The following GPC6 variants were observed in gnomAD, a reference collection of about 807,000 sequenced individuals.
GPC6 encodes the protein glypican-6.
Under a neutral mutation model 55.2 loss-of-function variants are expected in GPC6, and 14 were observed. That is an observed-to-expected ratio of 0.25 (90% confidence interval 0.17 to 0.40). The LOEUF (loss-of-function observed/expected upper bound fraction) is 0.40. GPC6 is among the 10% of genes least tolerant of loss of function. GPC6 has a pLI of 1.00. For synonymous variants in GPC6, 278 were observed against 259.6 expected (o/e 1.07, Z -0.68); for missense variants, 641 against 708.5 (o/e 0.90, Z 1.08).
chr13:94,154,036 T>C (rs1165545580), intron 4 of GPC6, among the ~76,000 whole-genome samples: 2 of 152,200 alleles, frequency 1.3e-5, no homozygotes, highest in Admixed American at 6.6e-5. Context: ...ATCAGCATAT[T>C]GTCCTACAGT....
intron 3 of GPC6, among the ~76,000 whole-genome samples, chr13:94,001,443 A>G (rs1056816373): frequency 5.3e-5 from 8 of 152,224 alleles, no homozygotes; most frequent in Non-Finnish European, 1.0e-4. Flanking sequence ...TTAAAAATAA[A>G]TGATAGGTAA....
At chr13:93,367,838 G>A (rs1212189765) in intron 1 of GPC6, among the ~76,000 whole-genome samples, 1 of 151,980 alleles carries the variant, frequency 6.6e-6, no homozygotes, top group Admixed American at 6.6e-5. Context: ...GTTGAGGATT[G>A]TTTTATGACC....
At chr13:94,157,009 A>G (rs1887972913) in intron 4 of GPC6, among the ~76,000 whole-genome samples, 1 of 152,134 alleles carries the variant, frequency 6.6e-6, no homozygotes, top group African/African-American at 2.4e-5. Context: ...ATGCGCGAGG[A>G]GCTGTGTTAG....
chr13:94,333,146 A>G (rs1025402822), intron 6 of GPC6, among the ~76,000 whole-genome samples: 2 of 152,220 alleles, frequency 1.3e-5, no homozygotes, highest in Non-Finnish European at 2.9e-5. Context: ...TGAGCCACCT[A>G]AGTTAGCTGT....
intron 4 of GPC6, among the ~76,000 whole-genome samples, chr13:94,246,010 A>G (rs1161994505): frequency 6.6e-6 from 1 of 151,956 alleles, no homozygotes; most frequent in Non-Finnish European, 1.5e-5. Flanking sequence ...TTTTCTCCGC[A>G]CCCTTGACAA....
intron 2 of GPC6, among the ~76,000 whole-genome samples, chr13:93,585,328 G>A (rs1877141817): frequency 6.6e-6 from 1 of 151,888 alleles, no homozygotes; most frequent in African/African-American, 2.4e-5. Flanking sequence ...ATTCTACCTG[G>A]TATATGTTAA....
chr13:93,395,686 C>G (rs1264870329), intron 1 of GPC6: 1 of 155,076 alleles, frequency 6.4e-6, no homozygotes, highest in Non-Finnish European at 1.4e-5. Flanking sequence ...ACCAAAATCC[C>G]CTGAGTGTTT....
chr13:93,983,530 G>C (rs559609796), intron 3 of GPC6, among the ~76,000 whole-genome samples: 1 of 151,990 alleles, frequency 6.6e-6, no homozygotes, highest in South Asian at 2.1e-4. Flanking sequence ...CCAACTCCTG[G>C]GCTCAAGCAA....
rs542799854 is a variant in GPC6 at position 93,590,740 on chromosome 13, A to G, written c.319+45319A>G. On this transcript the variant is annotated intron_variant, in intron 2 of 8. Transcript: ENST00000377047. ...TCATAAAAGTTACCAGGAAGCCTTTATCTTCTTTGTTAAATATAGCTTTCT... is the reference window on the plus strand; with the variant it reads ...TCATAAAAGTTACCAGGAAGCCTTTGTCTTCTTTGTTAAATATAGCTTTCT... Among the ~76,000 whole-genome samples the G allele has an allele frequency of 9.8e-5, 15 of 152,310 alleles. No homozygotes were observed. The East Asian group carries it at 2.5e-3, about 25-fold the overall frequency.
intron 4 of GPC6, among the ~76,000 whole-genome samples, chr13:94,157,638 C>G (rs1432990550): frequency 6.6e-6 from 1 of 152,166 alleles, no homozygotes; most frequent in Admixed American, 6.6e-5. Flanking sequence ...TCTTTGGTGC[C>G]TTGCTAAGTA....
intron 1 of GPC6, among the ~76,000 whole-genome samples, chr13:93,501,642 A>T (rs1365390545): frequency 6.6e-6 from 1 of 152,150 alleles, no homozygotes; most frequent in African/African-American, 2.4e-5. Context: ...TAGAAAAATT[A>T]AGAAGTGACA....
chr13:94,309,785 A>C (rs1876144945), intron 6 of GPC6, among the ~76,000 whole-genome samples: 1 of 148,820 alleles, frequency 6.7e-6, no homozygotes, highest in Non-Finnish European at 1.5e-5. Context: ...CAACTGCAGT[A>C]ATTCAGTTAA....
chr13:93,917,050 A>G (rs1364674839), intron 3 of GPC6, among the ~76,000 whole-genome samples: 1 of 152,194 alleles, frequency 6.6e-6, no homozygotes, highest in African/African-American at 2.4e-5. Context: ...ATAAGTTAAC[A>G]AGACATCTCT....
chr13:93,895,234 GTATATATA>G lies in GPC6; in HGVS notation c.711+64725_711+64732del, dbSNP rs60375718. ...TGTGTGTGTATGTATGTGTGTGTGT[GTATATATA>G]TATATATATATATATATATATATAT... On this transcript the variant is annotated intron_variant, in intron 3 of 8. Coordinates refer to ENST00000377047, the MANE Select transcript of GPC6 (RefSeq NM_005708.5). 2.6e-3 allele frequency among the ~76,000 whole-genome samples: 282 copies of G among 108,206 alleles called. 10 individuals carry two copies. The highest frequency in any genetic ancestry group is 6.4e-3 in the African/African-American group (175 of 27,142). The allele number at this position is 108,206 out of a possible 152,430, so 71.0% of individuals were successfully genotyped here. A position where few individuals can be genotyped will look rare whatever the true frequency, so the allele number is the denominator to read the frequency against.
chr13:93,704,148 GA>G lies in GPC6; in HGVS notation c.320-126005del, dbSNP rs534639189. 1.3e-3 allele frequency among the ~76,000 whole-genome samples: 197 copies of G among 151,916 alleles called. 1 individual carries two copies. The highest frequency in any genetic ancestry group is 4.5e-3 in the African/African-American group (188 of 41,460). On this transcript the variant is annotated intron_variant, in intron 2 of 8. Transcript: ENST00000377047. ...TACAAATTATCCCTCGTGCCCTTCT[GA>G]TTAACTTAAAATCAGTTCATTTTCT...
At chr13:93,479,609 C>CCCT (rs1555303828) in intron 1 of GPC6, among the ~76,000 whole-genome samples, 11 of 18,684 alleles carry the variant, frequency 5.9e-4, no homozygotes, top group African/African-American at 2.2e-3. Flanking sequence ...CGTGGTGAGA[C>CCCT]CCCCCCCCAT....
chr13:94,202,553 C>T (rs1889785771), intron 4 of GPC6, among the ~76,000 whole-genome samples: 1 of 152,092 alleles, frequency 6.6e-6, no homozygotes, highest in African/African-American at 2.4e-5. Flanking sequence ...AAACAGCCCC[C>T]ATGATTCAAT....
intron 1 of GPC6, among the ~76,000 whole-genome samples, chr13:93,421,799 G>A (rs1446358221): frequency 6.6e-6 from 1 of 152,130 alleles, no homozygotes. Flanking sequence ...TTATTGAAAA[G>A]GAAAGTTGTT....
At chr13:93,335,084 T>A (rs1879998895) in intron 1 of GPC6, among the ~76,000 whole-genome samples, 1 of 152,196 alleles carries the variant, frequency 6.6e-6, no homozygotes, top group Non-Finnish European at 1.5e-5. Flanking sequence ...AAATCATTCC[T>A]CAAGTTTATT....
Sources: allele counts gnomAD v4.1 joint callset (sites outside exome capture counted in the v4.1 genomes callset), GRCh38; gene constraint gnomAD v4.1.1; transcripts MANE v1.5; gene names NCBI Gene and HGNC (gene_info 2026-07-23, HGNC 2026-07-21).